Variants in UGT2A1 observed in about 807,000 individuals in gnomAD.
UGT2A1 encodes UDP-glucuronosyltransferase 2A1.
A neutral mutation model predicts 45.4 loss-of-function variants in UGT2A1; 61 were observed. The observed-to-expected ratio is 1.34, with a 90% CI of 1.09 to 1.66. UGT2A1 has a LOEUF of 1.66. Ranked by LOEUF, UGT2A1 falls within the 40% of genes most tolerant of loss-of-function variation. The pLI is 0.00. For synonymous variants in UGT2A1, 229 were observed against 196.2 expected (o/e 1.17, Z -1.40); for missense variants, 649 against 574.3 (o/e 1.13, Z -1.33).
chr4:69,597,197 T>C (rs1468513892), intron 4 of UGT2A1, among the ~76,000 whole-genome samples: 1 of 152,174 alleles, frequency 6.6e-6, no homozygotes, highest in African/African-American at 2.4e-5. Context: ...AAAAAATTTG[T>C]TTAAAATGGC....
chr4:69,636,546 T>TTC (rs1721721864), intron 2 of UGT2A1, among the ~76,000 whole-genome samples: 1 of 152,116 alleles, frequency 6.6e-6, no homozygotes, highest in Admixed American at 6.6e-5. Flanking sequence ...TTTGTAAAGG[T>TTC]GAGAAGTTGA....
At chr4:69,635,867 A>AATAAG (rs1028690022) in intron 2 of UGT2A1, 45 bp from the exon 3 acceptor site, 1 of 148,438 alleles carries the variant, frequency 6.7e-6, no homozygotes, top group African/African-American at 2.5e-5. Flanking sequence ...GAGAGAGAGA[A>AATAAG]ATAAGGTTCA....
Position 69,588,566 on chromosome 4 carries a change from TA to T in UGT2A1, c.*805del, listed in dbSNP as rs1718385349. On this transcript the variant is annotated 3_prime_UTR_variant, in exon 7 of 7. Coordinates refer to ENST00000286604, the MANE Select transcript of UGT2A1 (RefSeq NM_001252275.3). The stretch of plus-strand genomic sequence containing the variant: ...TTTGTACAGTTGACTAAAAATTTTA[TA>T]AAAATGATAATTATTTTCTAGATTT... 1 of 152,134 alleles carries T rather than the reference TA, an allele frequency of 6.6e-6. No individual in the cohort carries two copies. Among genetic ancestry groups the T allele is most frequent in the African/African-American group, 2.4e-5 (1 of 41,456 alleles). 9.4% of individuals were successfully genotyped at this position (152,134 alleles called of 1,614,324 possible). A position where few individuals can be genotyped will look rare whatever the true frequency, so the allele number is the denominator to read the frequency against.
chr4:69,594,629 G>C lies in UGT2A1; in HGVS notation c.1152C>G (p.His384Gln), dbSNP rs371172386. Reference protein sequence around the residue: ...GTNGIYEAIYHGVPMVGVPMF... With the variant: ...GTNGIYEAIYQGVPMVGVPMF... ...TGGGAACTCCCACCATAGGGACTCC[G>C]TGGTAAATAGCTTCGTAGATCCCAT... The change falls in exon 6 of 7, where the codon CAC becomes CAG. Residue 384 changes from histidine to glutamine, a missense_variant. Physicochemically the swap from His to Gln is conservative, Grantham distance 24 (BLOSUM62 0). Coordinates refer to ENST00000286604, the MANE Select transcript of UGT2A1 (RefSeq NM_001252275.3). 1.2e-6 allele frequency: 2 copies of C among 1,614,094 alleles called. No individual in the cohort carries two copies.
intron 3 of UGT2A1, among the ~76,000 whole-genome samples, chr4:69,618,149 G>C (rs1314896963): frequency 3.5e-4 from 53 of 151,344 alleles, no homozygotes; most frequent in African/African-American, 1.3e-3. Context: ...ATAATTCTAT[G>C]AGAAAATATT....
rs375236389 is a variant in UGT2A1 at position 69,590,777 on chromosome 4, G to T, written c.1305-1126C>A. On this transcript the variant is annotated intron_variant, in intron 6 of 6. Coordinates refer to ENST00000286604, the MANE Select transcript of UGT2A1 (RefSeq NM_001252275.3). Reference sequence around the variant, plus strand: ...CATGTGAATCAAAAAATAAGAAGAAGAAAGCATGTTTTCCTATAAATGATG... The same window carrying T: ...CATGTGAATCAAAAAATAAGAAGAATAAAGCATGTTTTCCTATAAATGATG... Among the ~76,000 whole-genome samples, 9 of 152,166 alleles carry T rather than the reference G, an allele frequency of 5.9e-5. No homozygotes were observed. In the East Asian group the frequency reaches 1.2e-3, roughly 20 times the overall value.
chr4:69,621,582 A>C (rs977671078), intron 3 of UGT2A1, among the ~76,000 whole-genome samples: 2 of 151,968 alleles, frequency 1.3e-5, no homozygotes, highest in Non-Finnish European at 2.9e-5. Context: ...CCATTGTGGA[A>C]AGCAGTGTGG....
At chr4:69,600,323 G>C (rs1332597271) in intron 3 of UGT2A1, among the ~76,000 whole-genome samples, 1 of 152,204 alleles carries the variant, frequency 6.6e-6, no homozygotes, top group East Asian at 1.9e-4. Context: ...AGCAGGGACA[G>C]AGAAAAGTCA....
chr4:69,639,048 G>T (rs1329214069), intron 2 of UGT2A1: 1 of 1,613,250 alleles, frequency 6.2e-7, no homozygotes, highest in Non-Finnish European at 8.5e-7. Flanking sequence ...ATAGGAGACT[G>T]GTGCTGGGAT....
intron 2 of UGT2A1, among the ~76,000 whole-genome samples, chr4:69,640,745 G>C (rs189671550): frequency 5.9e-5 from 9 of 151,986 alleles, no homozygotes; most frequent in Admixed American, 1.3e-4. Flanking sequence ...GAACAGGAAA[G>C]ACAAGAGAGA....
intron 2 of UGT2A1, among the ~76,000 whole-genome samples, chr4:69,646,704 A>G (rs1043155936): frequency 6.6e-6 from 1 of 151,870 alleles, no homozygotes; most frequent in African/African-American, 2.4e-5. Flanking sequence ...TATTTTATCC[A>G]TAAAAGAACT....
chr4:69,612,018 C>T (rs1720089813), intron 3 of UGT2A1, among the ~76,000 whole-genome samples: 1 of 151,980 alleles, frequency 6.6e-6, no homozygotes, highest in Non-Finnish European at 1.5e-5. Context: ...TCAGAATTAA[C>T]ATAGTCAGCA....
At chr4:69,638,687 G>C (rs537577351) in intron 2 of UGT2A1, among the ~76,000 whole-genome samples, 10 of 152,150 alleles carry the variant, frequency 6.6e-5, no homozygotes, top group African/African-American at 2.4e-4. Flanking sequence ...AAAGTTGTTT[G>C]CATTAAGAGA....
chr4:69,612,022 G>A (rs1369239315), intron 3 of UGT2A1, among the ~76,000 whole-genome samples: 2 of 151,872 alleles, frequency 1.3e-5, no homozygotes, highest in Non-Finnish European at 2.9e-5. Context: ...AATTAACATA[G>A]TCAGCACTCA....
chr4:69,614,304 G>A (rs913348112), intron 3 of UGT2A1, among the ~76,000 whole-genome samples: 3 of 151,806 alleles, frequency 2.0e-5, no homozygotes, highest in Non-Finnish European at 2.9e-5. Context: ...ACAAAATATG[G>A]ATGAAAAAGA....
chr4:69,612,352 C>A (rs925229296), intron 3 of UGT2A1, among the ~76,000 whole-genome samples: 10 of 152,132 alleles, frequency 6.6e-5, no homozygotes, highest in African/African-American at 2.4e-4. Flanking sequence ...CATTCAATGA[C>A]ATTCATGTCA....
At chr4:69,599,621 C>G in intron 3 of UGT2A1, 1 of 467,974 alleles carries the variant, frequency 2.1e-6, no homozygotes, top group Non-Finnish European at 3.4e-6. Context: ...GGGAGGAAGG[C>G]AGGCAAGCAG....
At chr4:69,652,366 C>G (rs2109986433) in intron 1 of UGT2A1, among the ~76,000 whole-genome samples, 1 of 146,474 alleles carries the variant, frequency 6.8e-6, no homozygotes, top group East Asian at 2.0e-4. Context: ...TCACTGCAAC[C>G]TCCATTTCCC....
chr4:69,629,256 C>T (rs908120938), intron 3 of UGT2A1, among the ~76,000 whole-genome samples: 4 of 152,160 alleles, frequency 2.6e-5, no homozygotes, highest in Non-Finnish European at 4.4e-5. Context: ...CTTCCTAGCA[C>T]TATGAATAGC....
Sources: gnomAD v4.1 joint callset for allele counts (sites outside exome capture counted in the v4.1 genomes callset) on GRCh38, gnomAD v4.1.1 for gene constraint, MANE v1.5 for transcripts, NCBI Gene and HGNC (gene_info 2026-07-23, HGNC 2026-07-21) for gene names.